The following ARHGAP17 variants were observed in gnomAD, a reference collection of about 807,000 sequenced individuals.
The protein encoded by ARHGAP17 is Rho GTPase activating protein 17.
ARHGAP17 carries 57 observed loss-of-function variants against 99.5 expected under a neutral mutation model. The ratio of observed to expected loss-of-function variants is 0.57; its 90% CI spans 0.46 to 0.71. The LOEUF (loss-of-function observed/expected upper bound fraction) is 0.71, where lower values mean the gene tolerates loss of function less well. Ranked by LOEUF, ARHGAP17 falls within the 30% of genes least tolerant of loss-of-function variation. The pLI is 0.00. For missense variants in ARHGAP17, 1,000 were observed against 1,122.4 expected, an observed-to-expected ratio of 0.89 and a Z score of 1.56; for synonymous variants, 417 against 429.6, an observed-to-expected ratio of 0.97 and a Z score of 0.36.
intron 1 of ARHGAP17, among the ~76,000 whole-genome samples, chr16:24,986,069 A>G (rs2052859848): frequency 6.6e-6 from 1 of 152,206 alleles, no homozygotes; most frequent in African/African-American, 2.4e-5. Context: ...AGACAGTTGA[A>G]GACCGTCAAA....
chr16:24,972,022 C>T (rs1279066138), intron 3 of ARHGAP17, among the ~76,000 whole-genome samples: 1 of 152,230 alleles, frequency 6.6e-6, no homozygotes, highest in East Asian at 1.9e-4. Flanking sequence ...TTCAATTCTG[C>T]AGCATCCCAT....
chr16:24,990,900 G>A (rs1469792121), intron 1 of ARHGAP17, among the ~76,000 whole-genome samples: 4 of 151,798 alleles, frequency 2.6e-5, no homozygotes, highest in Non-Finnish European at 5.9e-5. Context: ...AGACTAGAAG[G>A]GTAGCAGCCA....
intron 14 of ARHGAP17, among the ~76,000 whole-genome samples, chr16:24,944,808 G>C (rs1428852411): frequency 2.0e-5 from 3 of 151,618 alleles, no homozygotes; most frequent in African/African-American, 7.3e-5. Context: ...AGTAGAGACA[G>C]GGTTTCACGG....
intron 19 of ARHGAP17, among the ~76,000 whole-genome samples, chr16:24,922,980 G>A (rs1398235846): frequency 6.6e-6 from 1 of 152,096 alleles, no homozygotes; most frequent in Non-Finnish European, 1.5e-5. Context: ...CCCAGCCTCA[G>A]TAGCTGACAT....
chr16:24,986,017 AC>A (rs1312443714), intron 1 of ARHGAP17, among the ~76,000 whole-genome samples: 27 of 151,880 alleles, frequency 1.8e-4, no homozygotes, highest in African/African-American at 6.3e-4. Flanking sequence ...GCACCACCAA[AC>A]CCTCCAGCCT....
intron 16 of ARHGAP17, among the ~76,000 whole-genome samples, chr16:24,941,028 A>G (rs1433128316): frequency 1.3e-5 from 2 of 152,232 alleles, no homozygotes; most frequent in Non-Finnish European, 2.9e-5. Context: ...AGGAAATACT[A>G]CTGAATGTAT....
chr16:24,968,283 C>T (rs1480930387), intron 6 of ARHGAP17, 68 bp downstream of exon 6: 2 of 1,558,896 alleles, frequency 1.3e-6, no homozygotes, highest in East Asian at 4.5e-5. Context: ...ATTGTGTCCA[C>T]TGTCAGTGGT....
At chr16:24,965,406 C>T (rs1391434165) in intron 6 of ARHGAP17, among the ~76,000 whole-genome samples, 1 of 152,178 alleles carries the variant, frequency 6.6e-6, no homozygotes, top group Non-Finnish European at 1.5e-5. Context: ...GGAGGCAGAG[C>T]TTGCAGTGAG....
intron 19 of ARHGAP17, among the ~76,000 whole-genome samples, chr16:24,923,654 G>GA (rs2050769513): frequency 1.3e-5 from 2 of 151,194 alleles, no homozygotes; most frequent in Non-Finnish European, 2.9e-5. Context: ...GGAGGTCAAG[G>GA]CTGCAGTGGA....
chr16:24,977,267 C>T lies in ARHGAP17; in HGVS notation c.146G>A (p.Arg49His), dbSNP rs963707664. 6 of 1,596,934 alleles carry T rather than the reference C, an allele frequency of 3.8e-6. No homozygotes were observed. Among genetic ancestry groups the T allele is most frequent in the Admixed American group, 1.7e-5 (1 of 59,060 alleles). ...CTGGCCCTGGAAACATGCCACCAAG[C>T]GCTTATGGGAATGGTGGCATATTGA... The part of the protein sequence containing the change: ...VRSICHHSHK[R>H]LVACFQGQHG... The change falls in exon 3 of 20, where the codon CGC becomes CAC. Residue 49 changes from arginine to histidine, a missense_variant. Physicochemically the swap from Arg to His is conservative, Grantham distance 29 (BLOSUM62 0). Transcript: ENST00000289968.
At chr16:24,940,086 T>C (rs759093606) in intron 16 of ARHGAP17, among the ~76,000 whole-genome samples, 1 of 151,718 alleles carries the variant, frequency 6.6e-6, no homozygotes, top group Non-Finnish European at 1.5e-5. Flanking sequence ...ACTGGGATAC[T>C]AAAAAAAAAT....
intron 1 of ARHGAP17, among the ~76,000 whole-genome samples, chr16:25,001,449 G>T (rs2053357918): frequency 6.6e-6 from 1 of 152,076 alleles, no homozygotes. Flanking sequence ...AACATCATTT[G>T]AATAAATGAG....
intron 1 of ARHGAP17, among the ~76,000 whole-genome samples, chr16:24,987,254 A>G (rs2052899230): frequency 6.6e-6 from 1 of 152,152 alleles, no homozygotes; most frequent in Admixed American, 6.5e-5. Flanking sequence ...TGAAATGTGA[A>G]TTTTGCCTAA....
chr16:24,964,237 T>G lies in ARHGAP17; in HGVS notation c.533A>C (p.Glu178Ala), dbSNP rs373851180. The G allele has an allele frequency of 6.8e-6, 11 of 1,613,796 alleles. No homozygotes were observed. The highest frequency in any genetic ancestry group is 9.3e-6 in the Non-Finnish European group (11 of 1,179,880). ...TTTATTTCCAGCTTCATCCATCTCT[T>G]CCTTTAGAGTATCTATTTTTGATGG... is the stretch of plus-strand genomic sequence containing the variant. Reference protein sequence around the residue: ...GLPSKIDTLKEEMDEAGNKVE... With the variant: ...GLPSKIDTLKAEMDEAGNKVE... The change falls in exon 7 of 20, where the codon GAA (glutamate) becomes GCA (alanine). Residue 178 changes from glutamate to alanine, a missense_variant. Glu to Ala is a moderately radical substitution (Grantham distance 107). Around this residue, in one of 2 missense-constraint regions of ARHGAP17, gnomAD observed 472 missense variants for 611.1 expected, o/e 0.77. Transcript: ENST00000289968.
In ARHGAP17 at chr16:24,959,703, T is replaced by G; in HGVS notation, c.692A>C (p.Glu231Ala). The G allele has an allele frequency of 6.2e-7, 1 of 1,614,112 alleles. No homozygotes were observed. The highest frequency in any genetic ancestry group is 8.5e-7 in the Non-Finnish European group (1 of 1,180,028). Reference protein sequence around the residue: ...DYHRKALAVLEKTLPEMRAHQ... With the variant: ...DYHRKALAVLAKTLPEMRAHQ... ...GGCTCGCATTTCGGGGAGGGTCTTT[T>G]CTAAGACTGCTAATGCTTTTCTATG... The change falls in exon 9 of 20, where the codon GAA becomes GCA. Residue 231 changes from glutamate (E) to alanine (A), a missense_variant. Glu to Ala is a moderately radical substitution (Grantham distance 107). Around this residue, in one of 2 missense-constraint regions of ARHGAP17, gnomAD observed 472 missense variants for 611.1 expected, o/e 0.77. Coordinates refer to ENST00000289968, the MANE Select transcript of ARHGAP17 (RefSeq NM_001006634.3).
chr16:24,949,237 A>G (rs2051561254), intron 13 of ARHGAP17, 167 bp downstream of exon 13: 1 of 532,876 alleles, frequency 1.9e-6, no homozygotes, highest in Non-Finnish European at 3.3e-6. Context: ...CATAATATAC[A>G]TGAAATCCCA....
intron 1 of ARHGAP17, among the ~76,000 whole-genome samples, chr16:25,006,760 G>T (rs944020346): frequency 6.6e-6 from 1 of 152,198 alleles, no homozygotes; most frequent in African/African-American, 2.4e-5. Flanking sequence ...CCAAAGTCTC[G>T]TGACTCACAG....
chr16:24,988,260 T>C (rs1463782332), intron 1 of ARHGAP17, among the ~76,000 whole-genome samples: 1 of 152,112 alleles, frequency 6.6e-6, no homozygotes, highest in Non-Finnish European at 1.5e-5. Flanking sequence ...ACTTTAAAAA[T>C]GAAGCAATTT....
chr16:24,927,815 T>C, intron 19 of ARHGAP17: 2 of 490,180 alleles, frequency 4.1e-6, no homozygotes, highest in Non-Finnish European at 6.3e-6. Context: ...GTAAACTCTT[T>C]TACATGGGAA....
Sources: gnomAD v4.1 joint callset for allele counts (sites outside exome capture counted in the v4.1 genomes callset) on GRCh38, gnomAD v4.1.1 for gene constraint, gnomAD v4.1.1 regional missense constraint, MANE v1.5 for transcripts, NCBI Gene and HGNC (gene_info 2026-07-23, HGNC 2026-07-21) for gene names.